The following FANCA variants were observed in gnomAD, a reference collection of about 807,000 sequenced individuals.
FANCA encodes the protein Fanconi anemia group A protein.
FANCA carries 236 observed loss-of-function variants against 194.3 expected under a neutral mutation model. The ratio of observed to expected loss-of-function variants is 1.21; its 90% CI spans 1.09 to 1.35. The LOEUF is 1.35. FANCA is among the 40% of genes most tolerant of loss of function. The pLI is 0.00. For synonymous variants in FANCA, 1,014 were observed against 715.8 expected, an observed-to-expected ratio of 1.42 and a Z score of -6.65; for missense variants, 2,628 against 1,813.9, an observed-to-expected ratio of 1.45 and a Z score of -8.15.
At chr16:89,792,729 C>T in intron 11 of FANCA, 182 bp from the exon 12 acceptor site, 1 of 579,110 alleles carries the variant, frequency 1.7e-6, no homozygotes, top group Non-Finnish European at 3.2e-6. Flanking sequence ...GGGACCACTA[C>T]CATCAATGCG....
chr16:89,793,934 T>G (rs2040160187), intron 11 of FANCA, among the ~76,000 whole-genome samples: 1 of 152,018 alleles, frequency 6.6e-6, no homozygotes, highest in South Asian at 2.1e-4. Flanking sequence ...TATTTTTTAG[T>G]AGAGATGGGG....
rs117114665 is a variant in FANCA, at chr16:89,796,163, T to G, written c.894-145A>C. ...TGGCCAGGCCACTATAACCACAGAC[T>G]TGAAACTGAATCCAAGGAGGTGGCA... On this transcript the variant is annotated intron_variant, in intron 10 of 42. Transcript: ENST00000389301. 4,218 of 706,232 alleles carry G rather than the reference T, an allele frequency of 6.0e-3. 20 individuals carry two copies. The highest frequency in any genetic ancestry group is 8.0e-3 in the Non-Finnish European group (3,141 of 392,912). The allele number at this position is 706,232 out of a possible 1,614,324, so 43.7% of individuals were successfully genotyped here. A position where few individuals can be genotyped will look rare whatever the true frequency, so the allele number is the denominator to read the frequency against.
At chr16:89,767,413 G>A (rs756223467) in intron 26 of FANCA, among the ~76,000 whole-genome samples, 176 bp from the exon 27 acceptor site, 2 of 152,200 alleles carry the variant, frequency 1.3e-5, no homozygotes, top group Non-Finnish European at 2.9e-5. Context: ...TGCCGCCCAG[G>A]CTGGAGTGCA....
In FANCA at chr16:89,816,619, CT is replaced by C; in HGVS notation, c.-5del. 1 of 1,522,934 alleles carries C rather than the reference CT, an allele frequency of 6.6e-7. No homozygotes were observed. The highest frequency in any genetic ancestry group is 8.7e-7 in the Non-Finnish European group (1 of 1,143,034). 94.3% of individuals were successfully genotyped at this position (1,522,934 alleles called of 1,614,324 possible). ...TCGGGACCCACGAGTCGGACATGGC[CT>C]TGGCGCCTACAGCCCCGGCGGCGGC... On this transcript the variant is annotated 5_prime_UTR_variant, in exon 1 of 43. Transcript: ENST00000389301.
intron 38 of FANCA, 111 bp downstream of exon 38, chr16:89,740,692 CA>C: frequency 1.2e-6 from 1 of 817,982 alleles, no homozygotes; most frequent in South Asian, 1.5e-5. Context: ...CTTCCGCAAA[CA>C]CAAGGAGCTC....
intron 30 of FANCA, among the ~76,000 whole-genome samples, chr16:89,754,532 G>A (rs546828422): frequency 4.6e-5 from 7 of 151,900 alleles, no homozygotes; most frequent in East Asian, 1.9e-4. Flanking sequence ...CACGATGCCC[G>A]GCTAATTTTT....
rs1274321707 is a variant in FANCA, at chr16:89,782,909, C to G, written c.1576G>C (p.Glu526Gln). The change falls in exon 17 of 43, where the codon GAA becomes CAA. Residue 526 changes from glutamate (E) to glutamine (Q), a missense_variant. Coordinates refer to ENST00000389301, the MANE Select transcript of FANCA (RefSeq NM_000135.4). ...TRLADLKVSIENMGLYEDLSS... is the reference protein window; with the variant it reads ...TRLADLKVSIQNMGLYEDLSS... ...AAATCCTCGTAGAGTCCCATGTTTT[C>G]TATAGAAACCTTCAGGGAAGACACA... The G allele has an allele frequency of 6.2e-7, 1 of 1,614,106 alleles. No homozygotes were observed. The highest frequency in any genetic ancestry group is 8.5e-7 in the Non-Finnish European group (1 of 1,179,966).
At chr16:89,782,268 T>C (rs978970073) in intron 17 of FANCA, among the ~76,000 whole-genome samples, 1 of 150,624 alleles carries the variant, frequency 6.6e-6, no homozygotes, top group Non-Finnish European at 1.5e-5. Context: ...TCCCAGCACT[T>C]TGAGAGGCCA....
At chr16:89,763,806 G>A (rs919128437) in intron 28 of FANCA, among the ~76,000 whole-genome samples, 4 of 151,916 alleles carry the variant, frequency 2.6e-5, no homozygotes, top group Admixed American at 6.6e-5. Context: ...GGTGGTGCGC[G>A]CCTGTAGTCC....
chr16:89,765,286 G>A (rs557407258), intron 27 of FANCA, among the ~76,000 whole-genome samples: 1 of 151,808 alleles, frequency 6.6e-6, no homozygotes, highest in African/African-American at 2.4e-5. Flanking sequence ...CCCACGTTTA[G>A]GGGACCTCAG....
At chr16:89,763,739 C>G (rs1238635801) in intron 28 of FANCA, among the ~76,000 whole-genome samples, 1 of 150,968 alleles carries the variant, frequency 6.6e-6, no homozygotes, top group African/African-American at 2.4e-5. Context: ...GAGGTCGAGA[C>G]CAGCCTAACA....
chr16:89,815,365 T>G lies in FANCA; in HGVS notation c.189+512A>C, dbSNP rs1014336617. ...TTTTTTTTTTTTTTTTTTTTTTTTT[T>G]TGTGAGACAGTCTCACTCTGTAATC... On this transcript the variant is annotated intron_variant, in intron 2 of 42. Transcript: ENST00000389301. Among the ~76,000 whole-genome samples the G allele has an allele frequency of 4.3e-3, 379 of 87,988 alleles. 8 individuals carry two copies. Among genetic ancestry groups the G allele is most frequent in the African/African-American group, 0.017 (363 of 20,830 alleles). The allele number at this position is 87,988 out of a possible 152,430, so 57.7% of individuals were successfully genotyped here. A position where few individuals can be genotyped will look rare whatever the true frequency, so the allele number is the denominator to read the frequency against.
chr16:89,759,318 T>TAAAAAAAAAAAAAAAAAAAAAAAAAAAAA (rs71137673), intron 29 of FANCA, among the ~76,000 whole-genome samples: 3 of 75,206 alleles, frequency 4.0e-5, no homozygotes, highest in Non-Finnish European at 7.7e-5. Flanking sequence ...AGACTCCGTC[T>TAAAAAAAAAAAAAAAAAAAAAAAAAAAAA]AAAAAAAAAA....
At chr16:89,779,722 T>G (rs1370048854) in intron 18 of FANCA, 147 bp downstream of exon 18, 2 of 738,976 alleles carry the variant, frequency 2.7e-6, no homozygotes, top group Admixed American at 4.0e-5. Flanking sequence ...TGGGACACAC[T>G]CCAAAGAGCC....
intron 3 of FANCA, among the ~76,000 whole-genome samples, chr16:89,812,907 CCTATAATCCCAG>C (rs2143699053): frequency 6.6e-6 from 1 of 151,384 alleles, no homozygotes; most frequent in South Asian, 2.1e-4. Context: ...GCGGCGGGCA[CCTATAATCCCAG>C]CTATTCGGGA....
intron 11 of FANCA, among the ~76,000 whole-genome samples, chr16:89,794,588 G>A (rs2040181380): frequency 1.3e-5 from 2 of 152,110 alleles, no homozygotes; most frequent in Non-Finnish European, 1.5e-5. Context: ...AACCAATCAT[G>A]GTGGGGATGC....
chr16:89,802,875 G>C (rs2040504616), intron 8 of FANCA, among the ~76,000 whole-genome samples: 1 of 152,194 alleles, frequency 6.6e-6, no homozygotes, highest in Admixed American at 6.5e-5. Flanking sequence ...TAGAACGAGA[G>C]ATACCAGAGA....
intron 30 of FANCA, among the ~76,000 whole-genome samples, chr16:89,756,079 A>C (rs1387965313): frequency 6.6e-6 from 1 of 152,228 alleles, no homozygotes; most frequent in African/African-American, 2.4e-5. Context: ...GTAAAAACAC[A>C]GTTTAAAAAA....
chr16:89,811,145 A>C, intron 3 of FANCA, 74 bp from the exon 4 acceptor site: 30 of 1,596,680 alleles, frequency 1.9e-5, no homozygotes, highest in Non-Finnish European at 2.6e-5. Context: ...CTTGCTGTTT[A>C]AAATGCCTTA....
Sources: gnomAD v4.1 joint callset for allele counts (sites outside exome capture counted in the v4.1 genomes callset) on GRCh38, gnomAD v4.1.1 for gene constraint, MANE v1.5 for transcripts, NCBI Gene and HGNC (gene_info 2026-07-23, HGNC 2026-07-21) for gene names.